Variants in BRAF observed in about 807,000 individuals in gnomAD.
The protein encoded by BRAF is serine/threonine-protein kinase B-raf.
In BRAF, 16 loss-of-function variants were observed where a neutral mutation model predicts 104.6. The ratio of observed to expected loss-of-function variants is 0.15; its 90% CI spans 0.10 to 0.23. The LOEUF is 0.23. Among genes scored for constraint, BRAF ranks in the 10% least tolerant of loss-of-function variants. The probability of loss-of-function intolerance (pLI) is 1.00; values close to 1 mark genes in which losing one functional copy is unlikely to be tolerated. For synonymous variants in BRAF, 310 were observed against 341.6 expected, an observed-to-expected ratio of 0.91 and a Z score of 1.02; for missense variants, 541 against 937.3, an observed-to-expected ratio of 0.58 and a Z score of 5.52.
intron 4 of BRAF, among the ~76,000 whole-genome samples, chr7:140,808,617 A>G (rs1297810427): frequency 6.6e-6 from 1 of 152,142 alleles, no homozygotes; most frequent in Non-Finnish European, 1.5e-5. Context: ...CTATTATCCA[A>G]ATAAATCACA....
intron 3 of BRAF, among the ~76,000 whole-genome samples, chr7:140,824,634 G>A (rs1226229304): frequency 3.3e-5 from 5 of 151,100 alleles, no homozygotes; most frequent in Admixed American, 6.6e-5. Flanking sequence ...ATTTTAGGAC[G>A]GACTTTCTAT....
chr7:140,874,633 C>CA (rs1812007140), intron 1 of BRAF, among the ~76,000 whole-genome samples: 1 of 150,660 alleles, frequency 6.6e-6, no homozygotes, highest in Non-Finnish European at 1.5e-5. Context: ...GCAGCGGCAA[C>CA]AATAGGATCT....
rs1372569284 is a variant in BRAF at position 140,778,072 on chromosome 7, T to A, written c.1556A>T (p.Asp519Val). 7 of 1,613,172 alleles carry A rather than the reference T, an allele frequency of 4.3e-6. No individual in the cohort carries two copies. The highest frequency in any genetic ancestry group is 5.9e-6 in the Non-Finnish European group (7 of 1,179,688). ...CACATTCAACATTTTCACTGCCACA[T>A]CACCTAAAAGGCAATTGTTACTCCA... is the stretch of plus-strand genomic sequence containing the variant. ...GTVYKGKWHG[D>V]VAVKMLNVTA... is the part of the protein sequence containing the mutation. The change falls in exon 13 of 20, where the codon GAT (aspartate) becomes GTT (valine). Residue 519 changes from aspartate (D) to valine (V), a missense_variant. This residue lies in a region of BRAF where 109 missense variants were observed against 143.9 expected (regional missense o/e 0.76). Transcript: ENST00000644969.
intron 19 of BRAF, chr7:140,734,504 G>A (rs1796217311): frequency 1.9e-6 from 3 of 1,600,580 alleles, no homozygotes; most frequent in Admixed American, 1.7e-5. Flanking sequence ...TAAAAAAAAA[G>A]AGAGTATTTT....
chr7:140,915,064 A>C (rs896729188), intron 1 of BRAF, among the ~76,000 whole-genome samples: 2 of 151,190 alleles, frequency 1.3e-5, no homozygotes, highest in African/African-American at 4.9e-5. Context: ...AAAAAAAAAA[A>C]AAAAAACCAT....
chr7:140,856,489 T>C (rs1446451520), intron 1 of BRAF, among the ~76,000 whole-genome samples: 1 of 152,090 alleles, frequency 6.6e-6, no homozygotes, highest in Non-Finnish European at 1.5e-5. Flanking sequence ...CTGAGATAAC[T>C]CTGGAAGAAC....
chr7:140,857,117 A>G (rs549303679), intron 1 of BRAF, among the ~76,000 whole-genome samples: 2 of 152,318 alleles, frequency 1.3e-5, no homozygotes, highest in South Asian at 2.1e-4. Flanking sequence ...ATTATTCTGG[A>G]TATCTGGGTA....
Position 140,890,492 on chromosome 7 carries a change from T to C in BRAF, c.138+34074A>G, listed in dbSNP as rs1198167219. On this transcript the variant is annotated intron_variant, in intron 1 of 19. Coordinates refer to ENST00000644969, the MANE Select transcript of BRAF (RefSeq NM_001374258.1). The stretch of plus-strand genomic sequence containing the variant: ...AGAGAACTCACATACTCCATCTAGA[T>C]TTTTTTTTTCTAAGCTAAAACTCCC... Among the ~76,000 whole-genome samples, 8 of 150,922 alleles carry C rather than the reference T, an allele frequency of 5.3e-5. 1 individual carries two copies. The highest frequency in any genetic ancestry group is 3.4e-3 in the Middle Eastern group (1 of 292).
At chr7:140,885,982 G>A (rs142664426) in intron 1 of BRAF, among the ~76,000 whole-genome samples, 1 of 152,142 alleles carries the variant, frequency 6.6e-6, no homozygotes, top group Non-Finnish European at 1.5e-5. Flanking sequence ...TAAGAGTTTA[G>A]GAGAAGACAA....
Position 140,723,225 on chromosome 7 carries a change from T to TG in BRAF, c.*3268dup. ...GTGCAGCAGCTCGCACTCCGCCTGG[T>TG]GAATACAAGGTAACATCCTGTGATG... On this transcript the variant is annotated 3_prime_UTR_variant, in exon 20 of 20. Transcript: ENST00000644969. 9.5e-7 allele frequency: 1 copy of TG among 1,054,608 alleles called. No individual in the cohort carries two copies. Among genetic ancestry groups the TG allele is most frequent in the Non-Finnish European group, 1.1e-6 (1 of 872,658 alleles). 65.3% of individuals were successfully genotyped at this position (1,054,608 alleles called of 1,614,324 possible).
At chr7:140,717,561 C>A (rs1401406055), downstream of BRAF, among the ~76,000 whole-genome samples, 4 of 152,156 alleles carry the variant, frequency 2.6e-5, no homozygotes, top group African/African-American at 9.7e-5. Context: ...GTTAAGAACA[C>A]TTTTTGCCCT....
At chr7:140,854,533 G>A (rs928106155) in intron 1 of BRAF, among the ~76,000 whole-genome samples, 1 of 151,780 alleles carries the variant, frequency 6.6e-6, no homozygotes, top group Non-Finnish European at 1.5e-5. Context: ...TATGCAGTTA[G>A]CATAAAGAAC....
intron 2 of BRAF, among the ~76,000 whole-genome samples, chr7:140,838,636 G>A (rs950936577): frequency 4.0e-5 from 6 of 151,888 alleles, no homozygotes; most frequent in African/African-American, 7.3e-5. Context: ...GAAATACAAC[G>A]GACTTGAAAT....
intron 16 of BRAF, among the ~76,000 whole-genome samples, chr7:140,750,788 CTT>C (rs57413482): frequency 2.7e-5 from 4 of 149,180 alleles, no homozygotes; most frequent in African/African-American, 9.8e-5. Flanking sequence ...ATCAGATGAA[CTT>C]TTTTTTTTTA....
chr7:140,809,524 T>G (rs1004564980), intron 3 of BRAF, among the ~76,000 whole-genome samples: 2 of 152,296 alleles, frequency 1.3e-5, no homozygotes, highest in African/African-American at 4.8e-5. Flanking sequence ...TCTCTAGAAA[T>G]CCACATGGTA....
chr7:140,734,802 A>AAG, intron 18 of BRAF, 32 bp from the exon 18 acceptor site: 13 of 1,461,350 alleles, frequency 8.9e-6, no homozygotes, highest in Non-Finnish European at 1.2e-5. Flanking sequence ...AAAAAGAAAA[A>AAG]AAAAGAAAAA....
intron 19 of BRAF, 126 bp downstream of exon 18, chr7:140,730,539 G>GT (rs1257034688): frequency 3.9e-5 from 6 of 152,044 alleles, no homozygotes; most frequent in African/African-American, 1.4e-4. Flanking sequence ...GCTAATTTTT[G>GT]TATTTTTAGT....
chr7:140,915,899 C>T (rs1292586322), intron 1 of BRAF, among the ~76,000 whole-genome samples: 1 of 151,750 alleles, frequency 6.6e-6, no homozygotes, highest in African/African-American at 2.4e-5. Context: ...TGGCTCATGC[C>T]TGTAATCCCA....
At chr7:140,797,705 T>C (rs536375455) in intron 7 of BRAF, among the ~76,000 whole-genome samples, 5 of 152,236 alleles carry the variant, frequency 3.3e-5, no homozygotes, top group African/African-American at 4.8e-5. Context: ...ATTACCATTA[T>C]AAACCTTCAG....
Sources: gnomAD v4.1 joint callset for allele counts (sites outside exome capture counted in the v4.1 genomes callset) on GRCh38, gnomAD v4.1.1 for gene constraint, gnomAD v4.1.1 regional missense constraint, MANE v1.5 for transcripts, NCBI Gene and HGNC (gene_info 2026-07-23, HGNC 2026-07-21) for gene names.